Variants in MAP2K2 observed in about 807,000 individuals in gnomAD.
MAP2K2 encodes dual specificity mitogen-activated protein kinase kinase 2.
A neutral mutation model predicts 43.7 loss-of-function variants in MAP2K2; 24 were observed. The observed-to-expected ratio is 0.55, with a 90% confidence interval of 0.40 to 0.77. The LOEUF is 0.77. MAP2K2 is among the 30% of genes least tolerant of loss of function. The pLI, the probability that MAP2K2 is intolerant of heterozygous loss-of-function variation, is 0.00. For missense variants in MAP2K2, 470 were observed against 566.8 expected, an observed-to-expected ratio of 0.83 and a Z score of 1.73; for synonymous variants, 244 against 239.7, an observed-to-expected ratio of 1.02 and a Z score of -0.17.
intron 3 of MAP2K2, chr19:4,102,959 C>T (rs571855890): frequency 2.4e-4 from 260 of 1,097,132 alleles, no homozygotes; most frequent in Non-Finnish European, 2.8e-4. Flanking sequence ...TGGGAGGAGG[C>T]GGCGGGTCGC....
chr19:4,101,084 C>T lies in MAP2K2; in HGVS notation c.640G>A (p.Gly214Arg), dbSNP rs778895928. ...SRGEIKLCDF[G>R]VSGQLIDSMA... ...GAGTCGATGAGCTGGCCGCTCACCCCGAAGTCACACAGCTTGATCTCCCCT... is the reference window on the plus strand; with the variant it reads ...GAGTCGATGAGCTGGCCGCTCACCCTGAAGTCACACAGCTTGATCTCCCCT... Residue 214 changes from glycine to arginine, a missense_variant, in exon 6 of 11, where the codon GGG becomes AGG. Coordinates refer to ENST00000262948, the MANE Select transcript of MAP2K2 (RefSeq NM_030662.4). The surrounding 1 kb of genome is among the most constrained non-coding windows in gnomAD (Gnocchi z 6.3). 7.5e-6 allele frequency: 12 copies of T among 1,600,014 alleles called. No homozygotes were observed. Among genetic ancestry groups the T allele is most frequent in the Non-Finnish European group, 8.5e-6 (10 of 1,173,808 alleles).
intron 3 of MAP2K2, 105 bp downstream of exon 3, chr19:4,110,404 G>C: frequency 7.2e-7 from 1 of 1,392,446 alleles, no homozygotes; most frequent in East Asian, 2.3e-5. Flanking sequence ...GGAAGCCAGC[G>C]CACTGTTGCC....
chr19:4,110,166 T>A (rs1157084929), intron 3 of MAP2K2, among the ~76,000 whole-genome samples: 1 of 150,460 alleles, frequency 6.6e-6, no homozygotes, highest in Non-Finnish European at 1.5e-5. Context: ...TAGCCAGGAG[T>A]GGTGGCGGGC....
intron 1 of MAP2K2, among the ~76,000 whole-genome samples, chr19:4,122,121 C>G (rs1453578106): frequency 6.9e-6 from 1 of 144,164 alleles, no homozygotes; most frequent in African/African-American, 2.6e-5. Context: ...CCTGTCCTCC[C>G]CACCCAGGTG....
chr19:4,101,245 G>A lies in MAP2K2; in HGVS notation c.564C>T (p.His188=), dbSNP rs546749336. The change falls in exon 5 of 11, where the codon CAC becomes CAT. Residue 188 remains histidine (H), a synonymous_variant. Coordinates refer to ENST00000262948, the MANE Select transcript of MAP2K2 (RefSeq NM_030662.4). The surrounding 1 kb of genome is among the most constrained non-coding windows in gnomAD (Gnocchi z 6.3). ...LRGLAYLREK[H]QIMHRDVKPS... is the part of the protein sequence containing the mutation. Reference sequence around the variant, plus strand: ...GGGCCTTACCTCGGTGCATGATCTGGTGCTTCTCTCGGAGGTACGCCAAGC... The same window carrying A: ...GGGCCTTACCTCGGTGCATGATCTGATGCTTCTCTCGGAGGTACGCCAAGC... 3.8e-6 allele frequency: 6 copies of A among 1,588,754 alleles called. No homozygotes were observed. In the Admixed American group the frequency reaches 5.4e-5, roughly 14 times the overall value.
At chr19:4,090,858 G>A (rs771590643) in intron 10 of MAP2K2, 150 bp from the exon 11 acceptor site, 7 of 705,602 alleles carry the variant, frequency 9.9e-6, no homozygotes, top group Non-Finnish European at 1.6e-5. Flanking sequence ...CGCACTCGGG[G>A]TAGGAGAGGG....
At chr19:4,104,062 G>A (rs2041052582) in intron 3 of MAP2K2, among the ~76,000 whole-genome samples, 1 of 152,124 alleles carries the variant, frequency 6.6e-6, no homozygotes, top group African/African-American at 2.4e-5. Context: ...TCAGGAGTTT[G>A]AGACCAGCCT....
At chr19:4,103,038 C>T (rs2041037635) in intron 3 of MAP2K2, 2 of 1,044,358 alleles carry the variant, frequency 1.9e-6, no homozygotes, top group South Asian at 3.4e-5. Context: ...GGGCGTCTGC[C>T]CTGCGCCTGT....
chr19:4,115,075 A>C lies in MAP2K2; in HGVS notation c.303+2344T>G, dbSNP rs1431608611. Among the ~76,000 whole-genome samples, 2 of 152,194 alleles carry C rather than the reference A, an allele frequency of 1.3e-5. No homozygotes were observed. Among genetic ancestry groups the C allele is most frequent in the Non-Finnish European group, 2.9e-5 (2 of 68,032 alleles). ...CCGAGTTTTCGGGCACTTTAAAGAA[A>C]ACCTAATTTTGAAAGAATTATAGAA... On this transcript the variant is annotated intron_variant, in intron 2 of 10. Transcript: ENST00000262948. The surrounding 1 kb of genome is among the most constrained non-coding windows in gnomAD (Gnocchi z 4.1).
At chr19:4,123,721 T>C (rs1469625074) in intron 1 of MAP2K2, 63 bp downstream of exon 1, 1 of 1,142,224 alleles carries the variant, frequency 8.8e-7, no homozygotes. Flanking sequence ...CCTCGCCCCG[T>C]CCTTCCCCGA....
intron 4 of MAP2K2, 107 bp downstream of exon 4, chr19:4,102,269 C>T: frequency 2.1e-6 from 2 of 968,220 alleles, no homozygotes; most frequent in Non-Finnish European, 3.2e-6. Context: ...CTGCAGGGGC[C>T]ACCCTAACCC....
chr19:4,106,852 T>C (rs1400789294), intron 3 of MAP2K2, among the ~76,000 whole-genome samples: 2 of 152,244 alleles, frequency 1.3e-5, no homozygotes, highest in East Asian at 1.9e-4. Flanking sequence ...CCCTTACTGA[T>C]GGACATGTCC....
intron 2 of MAP2K2, among the ~76,000 whole-genome samples, chr19:4,114,568 G>A (rs78768028): frequency 1.7e-3 from 259 of 152,368 alleles, no homozygotes; most frequent in African/African-American, 6.1e-3. Flanking sequence ...CCCTGGCCCA[G>A]GTAACGCGGG....
chr19:4,094,347 G>C, intron 10 of MAP2K2, 106 bp downstream of exon 10: 1 of 1,234,954 alleles, frequency 8.1e-7, no homozygotes. Context: ...CATCCTGGTC[G>C]CAGGTGCTGG....
intron 3 of MAP2K2, among the ~76,000 whole-genome samples, chr19:4,108,644 G>A (rs1251924468): frequency 1.3e-5 from 2 of 152,108 alleles, no homozygotes; most frequent in African/African-American, 4.8e-5. Flanking sequence ...GGTGTCCCCT[G>A]GGGTGCCAGC....
Position 4,117,513 on chromosome 19 carries a change from T to A in MAP2K2, c.209A>T (p.Asp70Val), listed in dbSNP as rs921196815. 7 of 1,614,074 alleles carry A rather than the reference T, an allele frequency of 4.3e-6. No homozygotes were observed. Among genetic ancestry groups the A allele is most frequent in the Non-Finnish European group, 5.9e-6 (7 of 1,180,052 alleles). Reference protein sequence around the residue: ...QKAKVGELKDDDFERISELGA... With the variant: ...QKAKVGELKDVDFERISELGA... ...CAGCTCTGAGATCCTTTCGAAGTCA[T>A]CGTCTTTGAGTTCGCCGACCTTGGC... is the stretch of plus-strand genomic sequence containing the variant. Residue 70 changes from aspartate (D) to valine (V), a missense_variant, in exon 2 of 11, where the codon GAT becomes GTT. This residue lies in a region of MAP2K2 where 200 missense variants were observed against 297.9 expected (regional missense o/e 0.67). Transcript: ENST00000262948.
rs548041466 is a variant in MAP2K2 at position 4,111,539 on chromosome 19, C to T, written c.304-884G>A. Reference sequence around the variant, plus strand: ...CGTGGAGACGTTAGCCACACAGAGCCGCGGGCGCCCCTGAGAATTCTCCCT... The same window carrying T: ...CGTGGAGACGTTAGCCACACAGAGCTGCGGGCGCCCCTGAGAATTCTCCCT... On this transcript the variant is annotated intron_variant, in intron 2 of 10. Coordinates refer to ENST00000262948, the MANE Select transcript of MAP2K2 (RefSeq NM_030662.4). Among the ~76,000 whole-genome samples the T allele has an allele frequency of 3.9e-5, 6 of 152,290 alleles. No individual in the cohort carries two copies. The South Asian group carries it at 1.0e-3, about 26-fold the overall frequency.
intron 1 of MAP2K2, among the ~76,000 whole-genome samples, chr19:4,123,387 G>A (rs2041325132): frequency 6.6e-6 from 1 of 151,460 alleles, no homozygotes; most frequent in Non-Finnish European, 1.5e-5. Context: ...TCTCCTCTTA[G>A]AGACATCCTT....
intron 6 of MAP2K2, chr19:4,100,428 T>TGAAAAAAAAA (rs1568253174): frequency 3.7e-4 from 8 of 21,508 alleles, no homozygotes; most frequent in African/African-American, 1.9e-3. Flanking sequence ...AGACTCTGTC[T>TGAAAAAAAAA]CAAAAAAAAA....
Sources: gnomAD v4.1 joint callset for allele counts (sites outside exome capture counted in the v4.1 genomes callset) on GRCh38, gnomAD v4.1.1 for gene constraint, gnomAD v4.1.1 regional missense constraint, Gnocchi (gnomAD v3.1) non-coding constraint, MANE v1.5 for transcripts, NCBI Gene and HGNC (gene_info 2026-07-23, HGNC 2026-07-21) for gene names.